HK1: variants seen among roughly 807,000 people sequenced by gnomAD.
HK1 encodes the protein hexokinase 1, also known as hexokinase-1.
In HK1, 28 loss-of-function variants were observed where a neutral mutation model predicts 91.6. The ratio of observed to expected loss-of-function variants is 0.31; its 90% CI spans 0.23 to 0.42. HK1 has a LOEUF of 0.42. HK1 is among the 10% of genes least tolerant of loss of function. HK1 has a pLI of 1.00. For synonymous variants in HK1, 430 were observed against 468.1 expected (o/e 0.92, Z 1.05); for missense variants, 770 against 1,219.8 (o/e 0.63, Z 5.49).
chr10:69,368,081 G>A (rs2132809852), intron 4 of HK1, among the ~76,000 whole-genome samples: 2 of 152,368 alleles, frequency 1.3e-5, no homozygotes, highest in Middle Eastern at 3.4e-3. Context: ...CAGCAGCCAA[G>A]AATTATCTTA....
At chr10:69,292,423 C>T (rs1397713151) in intron 3 of HK1, 2 of 413,662 alleles carry the variant, frequency 4.8e-6, no homozygotes, top group East Asian at 1.7e-4. Context: ...AAGATCATCC[C>T]TGCCCTCCAG....
chr10:69,384,269 G>A, intron 10 of HK1, 64 bp from the exon 11 acceptor site: 2 of 1,597,622 alleles, frequency 1.3e-6, no homozygotes, highest in Non-Finnish European at 1.7e-6. Context: ...GGAGTCTTGG[G>A]GTTACTGGCT....
At chr10:69,304,085 ATAGTGATGTAATCCC>A (rs1845996184) in intron 5 of HK1, among the ~76,000 whole-genome samples, 1 of 152,156 alleles carries the variant, frequency 6.6e-6, no homozygotes, top group South Asian at 2.1e-4. Flanking sequence ...AGGCTTTACA[ATAGTGATGTAATCCC>A]CAGGATCAAT....
At chr10:69,376,615 G>C (rs1308074055) in intron 7 of HK1, among the ~76,000 whole-genome samples, 2 of 152,148 alleles carry the variant, frequency 1.3e-5, no homozygotes, top group African/African-American at 4.8e-5. Context: ...TTTCTATCTG[G>C]GGCCTTCTTG....
chr10:69,305,671 G>A (rs1846069550), intron 5 of HK1, among the ~76,000 whole-genome samples: 1 of 151,612 alleles, frequency 6.6e-6, no homozygotes, highest in Admixed American at 6.6e-5. Context: ...CCTGGAACAT[G>A]GTGAAACCCT....
chr10:69,377,226 C>A, intron 8 of HK1, 137 bp downstream of exon 8: 2 of 1,009,450 alleles, frequency 2.0e-6, no homozygotes, highest in Non-Finnish European at 3.0e-6. Context: ...TGTCCTCTCA[C>A]TCTTAGTTGA....
At chr10:69,328,085 G>A (rs1418630149) in intron 1 of HK1, among the ~76,000 whole-genome samples, 2 of 152,184 alleles carry the variant, frequency 1.3e-5, no homozygotes, top group East Asian at 1.9e-4. Flanking sequence ...ATCCGACCCG[G>A]GTAGGGCAGG....
intron 4 of HK1, among the ~76,000 whole-genome samples, chr10:69,367,136 A>T (rs1334782790): frequency 6.6e-6 from 1 of 152,170 alleles, no homozygotes; most frequent in Non-Finnish European, 1.5e-5. Context: ...TGGAGCAGAC[A>T]TGCCCAAGAG....
intron 2 of HK1, among the ~76,000 whole-genome samples, chr10:69,355,191 C>T (rs1032015120): frequency 1.3e-5 from 2 of 151,690 alleles, no homozygotes; most frequent in African/African-American, 4.8e-5. Flanking sequence ...TTTTTACCTA[C>T]ATTCCAAACA....
At chr10:69,307,850 T>G (rs1846174174) in intron 5 of HK1, among the ~76,000 whole-genome samples, 1 of 152,172 alleles carries the variant, frequency 6.6e-6, no homozygotes, top group African/African-American at 2.4e-5. Context: ...TTCTTTTCTT[T>G]TTTTTTGAGA....
intron 1 of HK1, among the ~76,000 whole-genome samples, chr10:69,273,537 A>G (rs550726535): frequency 5.9e-5 from 9 of 152,182 alleles, no homozygotes; most frequent in African/African-American, 2.2e-4. Context: ...TTTTTAGTAG[A>G]GATGGGGTTT....
chr10:69,329,925 T>C (rs1472790638), intron 1 of HK1, among the ~76,000 whole-genome samples: 1 of 152,142 alleles, frequency 6.6e-6, no homozygotes, highest in Non-Finnish European at 1.5e-5. Flanking sequence ...ATAAGGTCAT[T>C]AACAGTGAAA....
intron 1 of HK1, among the ~76,000 whole-genome samples, chr10:69,327,833 C>G (rs1367043251): frequency 2.0e-5 from 3 of 152,152 alleles, no homozygotes; most frequent in Non-Finnish European, 4.4e-5. Context: ...TAAAATTAGC[C>G]CATTTCCTGA....
chr10:69,369,241 A>G lies in HK1; in HGVS notation c.596A>G (p.Tyr199Cys), dbSNP rs779731692. 3.7e-6 allele frequency: 6 copies of G among 1,613,172 alleles called. No homozygotes were observed. Among genetic ancestry groups the G allele is most frequent in the South Asian group, 3.3e-5 (3 of 91,054 alleles). Reference sequence around the variant, plus strand: ...CACCCCGTTATCTGTCCCCAGGACTATGATGCCAACATCGTAGCTGTGGTG... The same window carrying G: ...CACCCCGTTATCTGTCCCCAGGACTGTGATGCCAACATCGTAGCTGTGGTG... ...LNKAIKKRGDYDANIVAVVND... is the reference protein window; with the variant it reads ...LNKAIKKRGDCDANIVAVVND... Residue 199 changes from tyrosine to cysteine, a missense_variant, in exon 6 of 18, where the codon TAT becomes TGT. Transcript: ENST00000359426. This position sits in a 1 kb window ranked among gnomAD's most constrained non-coding sequence, Gnocchi z 4.4.
upstream of HK1, among the ~76,000 whole-genome samples, chr10:69,316,200 G>A (rs187752534): frequency 1.3e-3 from 194 of 152,298 alleles, 3 homozygotes; most frequent in Non-Finnish European, 1.7e-3. Context: ...AGTGGAGGAA[G>A]AGATAAGTGG....
In HK1 at chr10:69,369,070, C is replaced by T. The variant is rs1849857702; in HGVS notation, c.592-167C>T. On this transcript the variant is annotated intron_variant, in intron 5 of 17. Transcript: ENST00000359426. This position sits in a 1 kb window ranked among gnomAD's most constrained non-coding sequence, Gnocchi z 4.4. ...AACTGTGAGGTTTTCATCATTTAATCACCATGCTCTGATCTAGTTAATTTG... is the reference window on the plus strand; with the variant it reads ...AACTGTGAGGTTTTCATCATTTAATTACCATGCTCTGATCTAGTTAATTTG... 6.6e-6 allele frequency among the ~76,000 whole-genome samples: 1 copy of T among 152,350 alleles called. No individual in the cohort carries two copies. Among genetic ancestry groups the T allele is most frequent in the South Asian group, 2.1e-4 (1 of 4,830 alleles).
intron 7 of HK1, among the ~76,000 whole-genome samples, chr10:69,372,206 T>C (rs1216984419): frequency 6.6e-6 from 1 of 152,218 alleles, no homozygotes; most frequent in Non-Finnish European, 1.5e-5. Flanking sequence ...TATCTCCCAC[T>C]GGGTCCCTCC....
chr10:69,386,362 G>C lies in HK1; in HGVS notation c.1879G>C (p.Asp627His). 6.2e-7 allele frequency: 1 copy of C among 1,614,146 alleles called. No individual in the cohort carries two copies. The highest frequency in any genetic ancestry group is 8.5e-7 in the Non-Finnish European group (1 of 1,179,964). The stretch of plus-strand genomic sequence containing the variant: ...GTGGACAAAGGGTTTTAAGGCAACA[G>C]ACTGCGTGGGCCACGATGTAGTCAC... ...ITWTKGFKAT[D>H]CVGHDVVTLL... The change falls in exon 13 of 18, where the codon GAC (aspartate) becomes CAC (histidine). Residue 627 changes from aspartate (D) to histidine (H), a missense_variant. Coordinates refer to ENST00000359426, the MANE Select transcript of HK1 (RefSeq NM_000188.3).
At chr10:69,386,182 G>GT in intron 12 of HK1, 141 bp from the exon 13 acceptor site, 1 of 711,022 alleles carries the variant, frequency 1.4e-6, no homozygotes, top group East Asian at 2.7e-5. Flanking sequence ...TATTTTATTG[G>GT]TTTGTCCTCA....
Sources: gnomAD v4.1 joint callset for allele counts (sites outside exome capture counted in the v4.1 genomes callset) on GRCh38, gnomAD v4.1.1 for gene constraint, Gnocchi (gnomAD v3.1) non-coding constraint, MANE v1.5 for transcripts, NCBI Gene and HGNC (gene_info 2026-07-23, HGNC 2026-07-21) for gene names.